Variants in PPEF1 observed in about 807,000 individuals in gnomAD.
The protein encoded by PPEF1 is protein phosphatase with EF-hand domain 1.
PPEF1 carries 12 observed loss-of-function variants against 53.3 expected under a neutral mutation model. That is an observed-to-expected ratio of 0.23 (90% CI 0.14 to 0.36). PPEF1 has a LOEUF of 0.36. Ranked by LOEUF, PPEF1 falls within the 10% of genes least tolerant of loss-of-function variation. The pLI, the probability that PPEF1 is intolerant of heterozygous loss-of-function variation, is 1.00. For missense variants in PPEF1, 334 were observed against 490.4 expected, an observed-to-expected ratio of 0.68 and a Z score of 3.01; for synonymous variants, 165 against 176.7, an observed-to-expected ratio of 0.93 and a Z score of 0.52.
chrX:18,821,222 C>CA lies in PPEF1; in HGVS notation c.1502-2683dup, dbSNP rs55725180. On this transcript the variant is annotated intron_variant, in intron 13 of 15. Transcript: ENST00000470157. ...TGGGAGAGAGAGCGAGACTCTGTCT[C>CA]AAAAAAAAAAAAAAAAAAGAAATAA... Among the ~76,000 whole-genome samples, 377 of 55,079 alleles carry CA rather than the reference C, an allele frequency of 6.8e-3. 3 individuals carry two copies. Among genetic ancestry groups the CA allele is most frequent in the African/African-American group, 0.026 (329 of 12,688 alleles). 47.8% of individuals were successfully genotyped at this position (55,079 alleles called of 115,157 possible).
upstream of PPEF1, among the ~76,000 whole-genome samples, chrX:18,678,572 C>T (rs187238503): frequency 8.9e-6 from 1 of 112,237 alleles, no homozygotes; most frequent in Non-Finnish European, 1.9e-5. Flanking sequence ...TCTGTCCCCC[C>T]ACTGGGACTT....
intron 2 of PPEF1, among the ~76,000 whole-genome samples, chrX:18,684,953 T>C (rs1929012460): frequency 8.9e-6 from 1 of 111,884 alleles, no homozygotes; most frequent in Non-Finnish European, 1.9e-5. Flanking sequence ...CTAAAGTCAC[T>C]CCCCTGTGAC....
At chrX:18,694,489 G>A (rs181653362) in intron 4 of PPEF1, among the ~76,000 whole-genome samples, 1 of 111,262 alleles carries the variant, frequency 9.0e-6, no homozygotes, top group East Asian at 2.8e-4. Flanking sequence ...AGTGGCTCAC[G>A]CCTATAATAC....
intron 1 of PPEF1, among the ~76,000 whole-genome samples, chrX:18,683,684 T>C (rs1928961116): frequency 8.9e-6 from 1 of 112,162 alleles, no homozygotes; most frequent in South Asian, 3.7e-4. Flanking sequence ...TGTGTCTGGC[T>C]AAAACAGCTT....
At position 18,789,228 on chromosome X, in the gene PPEF1, A is replaced by G. The variant is rs771485129; in HGVS notation, c.1020A>G (p.Thr340=). 3.3e-6 allele frequency: 4 copies of G among 1,210,038 alleles called. No homozygotes were observed. The highest frequency in any genetic ancestry group is 2.3e-4 in the Middle Eastern group (1 of 4,375). Residue 340 remains threonine, a synonymous_variant, in exon 10 of 16, where the codon ACA becomes ACG. Coordinates refer to ENST00000470157, the MANE Select transcript of PPEF1 (RefSeq NM_001377996.1). ...VTFNAHGRIK[T]NGSPTEHLTE... ...TTAATGCACATGGAAGAATCAAAAC[A>G]AATGGATCTCCTACTGAACACTTAA...
intron 6 of PPEF1, among the ~76,000 whole-genome samples, chrX:18,769,711 G>A (rs1007054942): frequency 8.1e-5 from 9 of 111,593 alleles, no homozygotes; most frequent in African/African-American, 2.9e-4. Context: ...TTCTATCACT[G>A]AAATGCTTCA....
chrX:18,780,827 G>A (rs1269120284), intron 7 of PPEF1, among the ~76,000 whole-genome samples: 1 of 110,314 alleles, frequency 9.1e-6, no homozygotes, highest in Non-Finnish European at 1.9e-5. Flanking sequence ...GGCTGAGGCG[G>A]GTGGATCATG....
At chrX:18,780,973 G>A (rs1257954232) in intron 7 of PPEF1, among the ~76,000 whole-genome samples, 4 of 107,308 alleles carry the variant, frequency 3.7e-5, no homozygotes, top group African/African-American at 1.4e-4. Flanking sequence ...GGAGAATGGC[G>A]TGAACCCGGG....
At chrX:18,815,025 T>C (rs1450062765) in intron 12 of PPEF1, among the ~76,000 whole-genome samples, 1 of 111,738 alleles carries the variant, frequency 8.9e-6, no homozygotes, top group African/African-American at 3.2e-5. Flanking sequence ...TTTTTGCATA[T>C]GGTGATAGGT....
chrX:18,819,992 A>G (rs2047000086), intron 13 of PPEF1, among the ~76,000 whole-genome samples: 1 of 111,883 alleles, frequency 8.9e-6, no homozygotes, highest in Non-Finnish European at 1.9e-5. Flanking sequence ...CTACAAAGAG[A>G]TAACGATTAG....
At chrX:18,789,903 C>G (rs2046294093) in intron 10 of PPEF1, among the ~76,000 whole-genome samples, 1 of 112,239 alleles carries the variant, frequency 8.9e-6, no homozygotes, top group Admixed American at 9.5e-5. Flanking sequence ...TATGAGCCAT[C>G]ACATACAAGT....
chrX:18,773,647 T>A (rs772560101), intron 6 of PPEF1, among the ~76,000 whole-genome samples: 3 of 112,295 alleles, frequency 2.7e-5, no homozygotes, highest in African/African-American at 6.5e-5. Flanking sequence ...ATTGTTTTAT[T>A]TGGAATTTTT....
chrX:18,756,149 C>T lies in PPEF1; in HGVS notation c.397-1478C>T, dbSNP rs1237608449. 8.2e-5 allele frequency among the ~76,000 whole-genome samples: 9 copies of T among 110,292 alleles called. No homozygotes were observed. The Admixed American group carries it at 8.7e-4, about 11-fold the overall frequency. ...ATTTCTACTATTTAAAATTTTATTTCAACTAAAAAAATGACGTGTTTCTCC... is the reference window on the plus strand; with the variant it reads ...ATTTCTACTATTTAAAATTTTATTTTAACTAAAAAAATGACGTGTTTCTCC... On this transcript the variant is annotated intron_variant, in intron 4 of 15. Coordinates refer to ENST00000470157, the MANE Select transcript of PPEF1 (RefSeq NM_001377996.1).
At chrX:18,687,706 T>G (rs1929152195) in intron 3 of PPEF1, among the ~76,000 whole-genome samples, 1 of 101,358 alleles carries the variant, frequency 9.9e-6, no homozygotes, top group South Asian at 4.5e-4. Flanking sequence ...TTTTTTTTTT[T>G]GAGACAGAGT....
At chrX:18,790,407 T>C (rs1825893797) in intron 10 of PPEF1, among the ~76,000 whole-genome samples, 1 of 111,921 alleles carries the variant, frequency 8.9e-6, no homozygotes, top group Non-Finnish European at 1.9e-5. Flanking sequence ...GGTTGTCTTT[T>C]CCCCTTTCTT....
intron 4 of PPEF1, among the ~76,000 whole-genome samples, chrX:18,692,211 T>A (rs1929433433): frequency 8.9e-6 from 1 of 112,310 alleles, no homozygotes; most frequent in African/African-American, 3.2e-5. Context: ...TCACAAGTAC[T>A]GAAATTTAGC....
At chrX:18,787,931 C>T (rs1034193074) in intron 9 of PPEF1, among the ~76,000 whole-genome samples, 1 of 111,128 alleles carries the variant, frequency 9.0e-6, no homozygotes, top group Non-Finnish European at 1.9e-5. Flanking sequence ...GAATTTCTAC[C>T]TAGCTCAATG....
intron 7 of PPEF1, among the ~76,000 whole-genome samples, chrX:18,781,480 G>A (rs772400426): frequency 9.0e-6 from 1 of 111,495 alleles, no homozygotes; most frequent in Non-Finnish European, 1.9e-5. Context: ...AGAGTTTATG[G>A]TCACAGAATC....
chrX:18,719,986 T>C (rs2044545597), intron 1 of PPEF1, among the ~76,000 whole-genome samples: 1 of 111,781 alleles, frequency 8.9e-6, no homozygotes, highest in African/African-American at 3.3e-5. Flanking sequence ...CCAAGTTCGC[T>C]CAGTGATAAT....
Sources: allele counts gnomAD v4.1 joint callset (sites outside exome capture counted in the v4.1 genomes callset), GRCh38; gene constraint gnomAD v4.1.1; transcripts MANE v1.5; gene names NCBI Gene and HGNC (gene_info 2026-07-23, HGNC 2026-07-21).